EFNA5: variants seen among roughly 807,000 people sequenced by gnomAD.
The protein encoded by EFNA5 is ephrin-A5.
EFNA5 carries 5 observed loss-of-function variants against 22.9 expected under a neutral mutation model. The ratio of observed to expected loss-of-function variants is 0.22; its 90% CI spans 0.11 to 0.46. The LOEUF (loss-of-function observed/expected upper bound fraction) is 0.46. Among genes scored for constraint, EFNA5 ranks in the 20% least tolerant of loss-of-function variants. The pLI, the probability that EFNA5 is intolerant of heterozygous loss-of-function variation, is 0.99. For synonymous variants in EFNA5, 113 were observed against 112.2 expected (o/e 1.01, Z -0.04); for missense variants, 237 against 293.3 (o/e 0.81, Z 1.40).
intron 1 of EFNA5, among the ~76,000 whole-genome samples, chr5:107,467,549 A>T (rs1750023739): frequency 6.6e-6 from 1 of 152,228 alleles, no homozygotes; most frequent in Non-Finnish European, 1.5e-5. Context: ...TATTTGAAAG[A>T]AAAATATTAA....
At chr5:107,532,910 G>T (rs548437561) in intron 1 of EFNA5, among the ~76,000 whole-genome samples, 10 of 152,182 alleles carry the variant, frequency 6.6e-5, no homozygotes, top group Non-Finnish European at 1.0e-4. Flanking sequence ...AGGAAACAAA[G>T]ACTATTCCCC....
At chr5:107,592,719 T>C (rs961049588) in intron 1 of EFNA5, among the ~76,000 whole-genome samples, 4 of 152,122 alleles carry the variant, frequency 2.6e-5, no homozygotes, top group African/African-American at 9.7e-5. Flanking sequence ...CTTTTCAATG[T>C]GAGCGAATCG....
intron 2 of EFNA5, among the ~76,000 whole-genome samples, chr5:107,404,692 C>T (rs746879547): frequency 2.0e-5 from 3 of 152,076 alleles, no homozygotes; most frequent in Non-Finnish European, 2.9e-5. Context: ...TTCCTGATGC[C>T]AGAACTATAC....
rs556972048 is a variant in EFNA5, at chr5:107,620,718, T to C, written c.125+49771A>G. On this transcript the variant is annotated intron_variant, in intron 1 of 4. Coordinates refer to ENST00000333274, the MANE Select transcript of EFNA5 (RefSeq NM_001962.3). ...CCCCTACCATGCATAATTAAGAAAA[T>C]AGGATGGGGTAAAATAGAGTTGAAA... Among the ~76,000 whole-genome samples the C allele has an allele frequency of 2.8e-3, 425 of 152,254 alleles. 2 individuals carry two copies. The highest frequency in any genetic ancestry group is 4.9e-3 in the Non-Finnish European group (333 of 68,012).
intron 1 of EFNA5, among the ~76,000 whole-genome samples, chr5:107,510,800 T>A (rs1209904727): frequency 6.6e-6 from 1 of 152,130 alleles, no homozygotes; most frequent in Non-Finnish European, 1.5e-5. Flanking sequence ...GTGATCAGTT[T>A]CTCCAAAGCT....
chr5:107,437,468 C>A (rs1475396132), intron 1 of EFNA5, among the ~76,000 whole-genome samples: 7 of 152,038 alleles, frequency 4.6e-5, no homozygotes, highest in Admixed American at 6.6e-5. Context: ...AGGTGGTGAT[C>A]GTAGTCATAA....
At chr5:107,654,885 AG>A (rs1310071282) in intron 1 of EFNA5, among the ~76,000 whole-genome samples, 1 of 152,130 alleles carries the variant, frequency 6.6e-6, no homozygotes, top group Non-Finnish European at 1.5e-5. Flanking sequence ...TCTAGCCTTT[AG>A]TACATTATTT....
chr5:107,567,280 T>C (rs890622770), intron 1 of EFNA5, among the ~76,000 whole-genome samples: 1 of 152,096 alleles, frequency 6.6e-6, no homozygotes, highest in African/African-American at 2.4e-5. Flanking sequence ...AATAAATCTT[T>C]AAAATGCAGG....
At chr5:107,512,492 C>T (rs951201627) in intron 1 of EFNA5, among the ~76,000 whole-genome samples, 2 of 151,954 alleles carry the variant, frequency 1.3e-5, no homozygotes, top group African/African-American at 4.8e-5. Flanking sequence ...TTCTTGTAGG[C>T]CATCATTACA....
chr5:107,614,603 C>A (rs1233895425), intron 1 of EFNA5, among the ~76,000 whole-genome samples: 1 of 152,124 alleles, frequency 6.6e-6, no homozygotes, highest in African/African-American at 2.4e-5. Context: ...TGAGTACCTG[C>A]AACTCCCTCT....
At chr5:107,468,636 T>C (rs1459302941) in intron 1 of EFNA5, among the ~76,000 whole-genome samples, 2 of 152,170 alleles carry the variant, frequency 1.3e-5, no homozygotes, top group Non-Finnish European at 2.9e-5. Flanking sequence ...GTGCAAGAGT[T>C]AAAACCTCAC....
At chr5:107,441,964 G>C (rs771487496) in intron 1 of EFNA5, among the ~76,000 whole-genome samples, 1 of 152,008 alleles carries the variant, frequency 6.6e-6, no homozygotes, top group African/African-American at 2.4e-5. Flanking sequence ...TTTGATAAAG[G>C]TTTTGACTCA....
rs890356116 is a variant in EFNA5 at position 107,378,526 on chromosome 5, A to C, written c.*2729T>G. ...TGTAACACCACCACAAAAGGCCACCAACACTTTTTAAACAAAGTGAAAACT... is the reference window on the plus strand; with the variant it reads ...TGTAACACCACCACAAAAGGCCACCCACACTTTTTAAACAAAGTGAAAACT... On this transcript the variant is annotated 3_prime_UTR_variant, in exon 5 of 5. Transcript: ENST00000333274. The C allele has an allele frequency of 3.9e-5, 6 of 152,228 alleles. No individual in the cohort carries two copies. Among genetic ancestry groups the C allele is most frequent in the African/African-American group, 1.4e-4 (6 of 41,460 alleles). 9.4% of individuals were successfully genotyped at this position (152,228 alleles called of 1,614,324 possible). A position where few individuals can be genotyped will look rare whatever the true frequency, so the allele number is the denominator to read the frequency against.
chr5:107,400,787 C>T (rs1372590794), intron 2 of EFNA5, among the ~76,000 whole-genome samples: 1 of 152,236 alleles, frequency 6.6e-6, no homozygotes, highest in East Asian at 1.9e-4. Flanking sequence ...GATTGATTTG[C>T]TATGTTTTTC....
In EFNA5 at chr5:107,657,222, T is replaced by C. The variant is rs569741676; in HGVS notation, c.125+13267A>G. 3.0e-4 allele frequency among the ~76,000 whole-genome samples: 46 copies of C among 152,268 alleles called. No homozygotes were observed. The South Asian group carries it at 9.5e-3, about 32-fold the overall frequency. On this transcript the variant is annotated intron_variant, in intron 1 of 4. Coordinates refer to ENST00000333274, the MANE Select transcript of EFNA5 (RefSeq NM_001962.3). ...GAACTACTGAGCATCTTCTACTTCA[T>C]CTAAAACACAAATCTTAGGTATATC...
At chr5:107,501,233 A>G (rs1342274939) in intron 1 of EFNA5, among the ~76,000 whole-genome samples, 3 of 152,206 alleles carry the variant, frequency 2.0e-5, no homozygotes, top group African/African-American at 7.2e-5. Context: ...ACTCAACTAT[A>G]TGATTTTGTA....
intron 1 of EFNA5, among the ~76,000 whole-genome samples, chr5:107,630,124 T>C (rs1750218767): frequency 6.6e-6 from 1 of 152,086 alleles, no homozygotes; most frequent in Non-Finnish European, 1.5e-5. Flanking sequence ...CAGCTATCAT[T>C]AGTGTTAGTG....
intron 1 of EFNA5, among the ~76,000 whole-genome samples, chr5:107,575,350 A>T (rs1748905919): frequency 6.6e-6 from 1 of 152,188 alleles, no homozygotes; most frequent in Non-Finnish European, 1.5e-5. Flanking sequence ...ACTTTCCCAA[A>T]ATGTTTGGGT....
rs1749050447 is a variant in EFNA5 at position 107,580,736 on chromosome 5, A to AAAAG, written c.125+89752_125+89753insCTTT. On this transcript the variant is annotated intron_variant, in intron 1 of 4. Transcript: ENST00000333274. ...GACTCCATCTCAAAAAAAAAAAAAA[A>AAAAG]AAAAGAAAAGAAAAGAAAAGAAAAA... is the stretch of plus-strand genomic sequence containing the variant. Among the ~76,000 whole-genome samples the AAAAG allele has an allele frequency of 8.1e-5, 12 of 147,556 alleles. No individual in the cohort carries two copies. In the South Asian group the frequency reaches 1.9e-3, roughly 23 times the overall value.
Sources: allele counts gnomAD v4.1 joint callset (sites outside exome capture counted in the v4.1 genomes callset), GRCh38; gene constraint gnomAD v4.1.1; transcripts MANE v1.5; gene names NCBI Gene and HGNC (gene_info 2026-07-23, HGNC 2026-07-21).